Variants in PCCA observed in about 807,000 individuals in gnomAD.
PCCA encodes the protein propionyl-CoA carboxylase alpha chain, mitochondrial.
Under a neutral mutation model 101.3 loss-of-function variants are expected in PCCA, and 74 were observed. The ratio of observed to expected loss-of-function variants is 0.73; its 90% CI spans 0.61 to 0.89. PCCA has a LOEUF of 0.89. Ranked by LOEUF, PCCA falls within the 40% of genes least tolerant of loss-of-function variation. PCCA has a pLI of 0.00. For missense variants in PCCA, 891 were observed against 907.0 expected, an observed-to-expected ratio of 0.98 and a Z score of 0.23; for synonymous variants, 294 against 313.6, an observed-to-expected ratio of 0.94 and a Z score of 0.66.
At chr13:100,447,416 A>G (rs967502578) in intron 20 of PCCA, among the ~76,000 whole-genome samples, 2 of 149,624 alleles carry the variant, frequency 1.3e-5, no homozygotes, top group South Asian at 4.3e-4. Context: ...TTGGTTGGGC[A>G]TGGTGGCTCA....
At chr13:100,234,972 AT>A (rs2060706150) in intron 7 of PCCA, among the ~76,000 whole-genome samples, 1 of 152,136 alleles carries the variant, frequency 6.6e-6, no homozygotes, top group East Asian at 1.9e-4. Flanking sequence ...CTTTATTGTT[AT>A]TTGGGGAAAT....
In PCCA at chr13:100,425,602, A is replaced by G. The variant is rs752298187; in HGVS notation, c.1747-31A>G. 9 of 1,447,110 alleles carry G rather than the reference A, an allele frequency of 6.2e-6. No individual in the cohort carries two copies. In the South Asian group the frequency reaches 1.0e-4, roughly 17 times the overall value. The allele number at this position is 1,447,110 out of a possible 1,614,324, so 89.6% of individuals were successfully genotyped here. A position where few individuals can be genotyped will look rare whatever the true frequency, so the allele number is the denominator to read the frequency against. On this transcript the variant is annotated intron_variant, in intron 19 of 23. Coordinates refer to ENST00000376285, the MANE Select transcript of PCCA (RefSeq NM_000282.4). Reference sequence around the variant, plus strand: ...TGAGATCAGTTTTCTGTCTTTCTTCATGGTAATGGTCTTATTTGGTGTCAC... The same window carrying G: ...TGAGATCAGTTTTCTGTCTTTCTTCGTGGTAATGGTCTTATTTGGTGTCAC...
intron 8 of PCCA, among the ~76,000 whole-genome samples, chr13:100,254,467 A>G (rs2061951591): frequency 6.6e-6 from 1 of 152,236 alleles, no homozygotes; most frequent in African/African-American, 2.4e-5. Context: ...AGGGGTAACA[A>G]GTACCATCAA....
chr13:100,145,776 C>T (rs1486438928), intron 4 of PCCA, among the ~76,000 whole-genome samples: 2 of 150,934 alleles, frequency 1.3e-5, no homozygotes, highest in African/African-American at 4.9e-5. Flanking sequence ...GCAGGAGAAT[C>T]GCTTGAACCC....
intron 1 of PCCA, among the ~76,000 whole-genome samples, chr13:100,091,305 A>G (rs566397950): frequency 1.4e-4 from 22 of 152,360 alleles, no homozygotes; most frequent in Non-Finnish European, 2.8e-4. Flanking sequence ...CTTACTGTGT[A>G]ATACATACGC....
chr13:100,135,511 C>T (rs147711003), intron 4 of PCCA, among the ~76,000 whole-genome samples: 2 of 152,230 alleles, frequency 1.3e-5, no homozygotes, highest in East Asian at 3.9e-4. Context: ...GAATGTTGAC[C>T]TTGCATTCTG....
intron 21 of PCCA, among the ~76,000 whole-genome samples, chr13:100,452,298 C>A (rs1203469273): frequency 6.6e-6 from 1 of 151,990 alleles, no homozygotes; most frequent in Non-Finnish European, 1.5e-5. Context: ...CCACTCCTGG[C>A]CCTGCCTTTA....
At chr13:100,415,756 CT>C (rs2078321386) in intron 19 of PCCA, among the ~76,000 whole-genome samples, 2 of 152,160 alleles carry the variant, frequency 1.3e-5, no homozygotes, top group Admixed American at 1.3e-4. Context: ...ATCGAAAACA[CT>C]TTTTACAGCC....
intron 8 of PCCA, among the ~76,000 whole-genome samples, chr13:100,247,039 G>A (rs1016832532): frequency 6.6e-5 from 10 of 151,642 alleles, no homozygotes; most frequent in African/African-American, 2.2e-4. Flanking sequence ...CTCCTGAGTA[G>A]CTGGGATTAC....
chr13:100,400,065 G>A (rs2077247576), intron 19 of PCCA, among the ~76,000 whole-genome samples: 2 of 152,176 alleles, frequency 1.3e-5, no homozygotes. Flanking sequence ...GAAACAAAAG[G>A]ACGACTGGGA....
intron 4 of PCCA, among the ~76,000 whole-genome samples, chr13:100,145,447 T>C (rs2052417532): frequency 6.6e-6 from 1 of 152,166 alleles, no homozygotes; most frequent in Non-Finnish European, 1.5e-5. Context: ...CAAGTTGGGA[T>C]CCCTTGGCAT....
intron 12 of PCCA, among the ~76,000 whole-genome samples, chr13:100,289,193 T>G (rs1313678638): frequency 6.6e-6 from 1 of 152,230 alleles, no homozygotes; most frequent in African/African-American, 2.4e-5. Flanking sequence ...CTTGTTTAAA[T>G]GTTTAATCTG....
chr13:100,439,086 T>A (rs1407884767), intron 20 of PCCA, among the ~76,000 whole-genome samples: 1 of 152,206 alleles, frequency 6.6e-6, no homozygotes, highest in Non-Finnish European at 1.5e-5. Context: ...ATATTTCAAG[T>A]TCTCAGTAGC....
chr13:100,510,616 C>T (rs556418410), intron 21 of PCCA, among the ~76,000 whole-genome samples: 1 of 152,314 alleles, frequency 6.6e-6, no homozygotes, highest in Non-Finnish European at 1.5e-5. Context: ...CAGGGCAATA[C>T]TACAAAATGG....
intron 21 of PCCA, among the ~76,000 whole-genome samples, chr13:100,469,673 G>A (rs1200698046): frequency 1.3e-5 from 2 of 151,928 alleles, no homozygotes; most frequent in Non-Finnish European, 2.9e-5. Flanking sequence ...CTACTCACTC[G>A]GGAGGTTGAG....
chr13:100,472,215 A>G (rs1260570503), intron 21 of PCCA, among the ~76,000 whole-genome samples: 1 of 152,000 alleles, frequency 6.6e-6, no homozygotes, highest in African/African-American at 2.4e-5. Flanking sequence ...CTTACTGCGC[A>G]TGTGTTAAGG....
intron 20 of PCCA, among the ~76,000 whole-genome samples, chr13:100,427,714 G>GA (rs1378165290): frequency 6.7e-6 from 1 of 150,332 alleles, no homozygotes; most frequent in African/African-American, 2.4e-5. Flanking sequence ...GGTGTACTAG[G>GA]AAAAACAGTC....
At chr13:100,226,156 G>A (rs1176533038) in intron 7 of PCCA, among the ~76,000 whole-genome samples, 1 of 152,184 alleles carries the variant, frequency 6.6e-6, no homozygotes, top group African/African-American at 2.4e-5. Flanking sequence ...ACTGGATTAT[G>A]TGGAAGCTAG....
At position 100,324,928 on chromosome 13, in the gene PCCA, G is replaced by A. The variant is rs112810127; in HGVS notation, c.1430-5633G>A. ...TGCAAACCATAAACTTTGAATAACA[G>A]GACAGAATCCATACAAAGTGCTACT... On this transcript the variant is annotated intron_variant, in intron 16 of 23. Coordinates refer to ENST00000376285, the MANE Select transcript of PCCA (RefSeq NM_000282.4). 1.6e-3 allele frequency among the ~76,000 whole-genome samples: 241 copies of A among 152,224 alleles called. 2 individuals carry two copies. The highest frequency in any genetic ancestry group is 5.6e-3 in the African/African-American group (232 of 41,544).
Sources: allele counts gnomAD v4.1 joint callset (sites outside exome capture counted in the v4.1 genomes callset), GRCh38; gene constraint gnomAD v4.1.1; transcripts MANE v1.5; gene names NCBI Gene and HGNC (gene_info 2026-07-23, HGNC 2026-07-21).